APP: variants seen among roughly 807,000 people sequenced by gnomAD.
The protein encoded by APP is amyloid-beta precursor protein.
A neutral mutation model predicts 101.4 loss-of-function variants in APP; 31 were observed. That is an observed-to-expected ratio of 0.31 (90% CI 0.23 to 0.41). The LOEUF is 0.41. Among genes scored for constraint, APP ranks in the 10% least tolerant of loss-of-function variants. The pLI, the probability that APP is intolerant of heterozygous loss-of-function variation, is 1.00. For synonymous variants in APP, 366 were observed against 364.4 expected, an observed-to-expected ratio of 1.00 and a Z score of -0.05; for missense variants, 839 against 1,003.7, an observed-to-expected ratio of 0.84 and a Z score of 2.22.
intron 13 of APP, chr21:25,934,148 A>C (rs905741027): frequency 3.9e-5 from 6 of 152,226 alleles, no homozygotes; most frequent in African/African-American, 1.4e-4. Flanking sequence ...TACCAACCAA[A>C]GGAATATCAA....
chr21:26,139,160 T>TA (rs941144535), intron 1 of APP, among the ~76,000 whole-genome samples: 57 of 150,436 alleles, frequency 3.8e-4, no homozygotes, highest in East Asian at 1.6e-3. Context: ...AGTAAATAAG[T>TA]AAAAAAAAAT....
At chr21:26,134,126 C>T (rs934783248) in intron 1 of APP, among the ~76,000 whole-genome samples, 2 of 152,200 alleles carry the variant, frequency 1.3e-5, no homozygotes, top group African/African-American at 2.4e-5. Flanking sequence ...GCTGGAACCA[C>T]AGGTGCACAC....
chr21:25,943,416 T>C (rs990472011), intron 13 of APP, among the ~76,000 whole-genome samples: 1 of 149,028 alleles, frequency 6.7e-6, no homozygotes, highest in East Asian at 2.0e-4. Context: ...CCTCCCAAAG[T>C]GCTGGGATTA....
chr21:25,893,395 G>A (rs6516709), intron 16 of APP, among the ~76,000 whole-genome samples: 122,521 of 152,186 alleles, frequency 0.81, 49,441 homozygotes, highest in African/African-American at 0.86. Context: ...AAGCTTAGTG[G>A]GCAAGGCATA....
rs545488171 is a variant in APP, at chr21:25,935,276, C to T, written c.1687+19314G>A. 6.6e-5 allele frequency: 10 copies of T among 152,192 alleles called. No individual in the cohort carries two copies. In the East Asian group the frequency reaches 9.6e-4, roughly 15 times the overall value. 9.4% of individuals were successfully genotyped at this position (152,192 alleles called of 1,614,324 possible). The stretch of plus-strand genomic sequence containing the variant: ...ACTTAGCATGTCAATTTCAATTTAG[C>T]GTTCACATTCAACAAATTGTGTATT... On this transcript the variant is annotated intron_variant, in intron 13 of 17. Coordinates refer to ENST00000346798, the MANE Select transcript of APP (RefSeq NM_000484.4).
At chr21:25,946,040 A>G (rs2040806559) in intron 13 of APP, 1 of 372,810 alleles carries the variant, frequency 2.7e-6, no homozygotes, top group East Asian at 8.3e-5. Flanking sequence ...GCAAAAGAAT[A>G]AAGTCAAACC....
chr21:26,036,683 A>C (rs1160504278), intron 5 of APP, among the ~76,000 whole-genome samples: 3 of 152,218 alleles, frequency 2.0e-5, no homozygotes, highest in African/African-American at 4.8e-5. Context: ...TACATAGCCA[A>C]GTTACTAATA....
intron 15 of APP, among the ~76,000 whole-genome samples, chr21:25,901,775 CTTT>C (rs1244074870): frequency 1.3e-5 from 2 of 152,056 alleles, no homozygotes; most frequent in Non-Finnish European, 2.9e-5. Context: ...TGGACAGAGC[CTTT>C]TGTTCATGTG....
chr21:26,147,130 C>A (rs2063170698), intron 1 of APP, among the ~76,000 whole-genome samples: 1 of 152,220 alleles, frequency 6.6e-6, no homozygotes, highest in South Asian at 2.1e-4. Context: ...GCTATTCTTA[C>A]CTAATGGTTT....
rs190189606 is a variant in APP, at chr21:26,158,442, C to T, written c.57+12122G>A. On this transcript the variant is annotated intron_variant, in intron 1 of 17. Coordinates refer to ENST00000346798, the MANE Select transcript of APP (RefSeq NM_000484.4). ...TCTCCTTTACCCTTAAGAAGAGAGC[C>T]GGAAATGTAATTTCTGATAGCAATG... 7.5e-3 allele frequency among the ~76,000 whole-genome samples: 1,140 copies of T among 152,182 alleles called. 16 individuals are homozygous for T. The highest frequency in any genetic ancestry group is 0.034 in the South Asian group (163 of 4,812).
chr21:26,123,233 C>A (rs2062612514), intron 1 of APP, among the ~76,000 whole-genome samples: 1 of 152,082 alleles, frequency 6.6e-6, no homozygotes, highest in African/African-American at 2.4e-5. Context: ...TACTCATCAG[C>A]CTTTACTGTG....
At chr21:25,979,937 G>A (rs979346188) in intron 9 of APP, among the ~76,000 whole-genome samples, 8 of 152,066 alleles carry the variant, frequency 5.3e-5, no homozygotes, top group African/African-American at 1.4e-4. Flanking sequence ...TAACAAAACC[G>A]GGGAGCAAAT....
At chr21:26,073,594 T>C (rs2061448006) in intron 3 of APP, among the ~76,000 whole-genome samples, 1 of 152,162 alleles carries the variant, frequency 6.6e-6, no homozygotes, top group South Asian at 2.1e-4. Context: ...GTTAAAGGAA[T>C]ACACAGAGTT....
intron 1 of APP, among the ~76,000 whole-genome samples, chr21:26,134,798 T>G (rs2146286183): frequency 6.6e-6 from 1 of 152,300 alleles, no homozygotes; most frequent in African/African-American, 2.4e-5. Context: ...TATAAGACCT[T>G]CTTAGCACTG....
At chr21:25,924,383 A>AT in intron 13 of APP, among the ~76,000 whole-genome samples, 3 of 107,900 alleles carry the variant, frequency 2.8e-5, no homozygotes, top group African/African-American at 1.1e-4. Flanking sequence ...GTATAATAAA[A>AT]AAAAAAAAAG....
At chr21:26,151,816 A>G (rs1275334684) in intron 1 of APP, among the ~76,000 whole-genome samples, 1 of 152,156 alleles carries the variant, frequency 6.6e-6, no homozygotes, top group Admixed American at 6.5e-5. Flanking sequence ...CAAAGCTCCT[A>G]ACACGCCACA....
intron 17 of APP, 53 bp from the exon 18 acceptor site, chr21:25,881,824 T>C: frequency 6.5e-7 from 1 of 1,539,198 alleles, no homozygotes; most frequent in African/African-American, 1.4e-5. Context: ...CTTTTAAGGG[T>C]GAACATGGAG....
intron 1 of APP, among the ~76,000 whole-genome samples, chr21:26,125,387 A>T (rs1378268997): frequency 6.6e-6 from 1 of 152,116 alleles, no homozygotes; most frequent in African/African-American, 2.4e-5. Flanking sequence ...TATATTCATG[A>T]TTATTATCTT....
intron 6 of APP, among the ~76,000 whole-genome samples, chr21:26,017,429 T>TTAAA (rs56068479): frequency 1.5e-5 from 2 of 137,422 alleles, no homozygotes; most frequent in Non-Finnish European, 3.1e-5. Context: ...AAAAAAAAAA[T>TTAAA]TTAAATTACA....
Sources: gnomAD v4.1 joint callset for allele counts (sites outside exome capture counted in the v4.1 genomes callset) on GRCh38, gnomAD v4.1.1 for gene constraint, MANE v1.5 for transcripts, NCBI Gene and HGNC (gene_info 2026-07-23, HGNC 2026-07-21) for gene names.